ACSM2A: variants seen among roughly 807,000 people sequenced by gnomAD.
ACSM2A encodes acyl-coenzyme A synthetase ACSM2A, mitochondrial.
In ACSM2A, 72 loss-of-function variants were observed where a neutral mutation model predicts 76.6. The ratio of observed to expected loss-of-function variants is 0.94; its 90% CI spans 0.78 to 1.14. The LOEUF (loss-of-function observed/expected upper bound fraction) is 1.14. Ranked by LOEUF, ACSM2A falls within the 50% of genes most tolerant of loss-of-function variation. The pLI is 0.00. For missense variants in ACSM2A, 684 were observed against 708.5 expected, an observed-to-expected ratio of 0.97 and a Z score of 0.39; for synonymous variants, 249 against 255.9, an observed-to-expected ratio of 0.97 and a Z score of 0.26.
chr16:20,468,931 T>G (rs1451270555), intron 3 of ACSM2A, among the ~76,000 whole-genome samples: 2 of 152,350 alleles, frequency 1.3e-5, no homozygotes, highest in Non-Finnish European at 2.9e-5. Flanking sequence ...GATATGTGAA[T>G]TAGCTTAATT....
chr16:20,483,167 A>C lies in ACSM2A; in HGVS notation c.1619A>C (p.Tyr540Ser). Residue 540 changes from tyrosine (Y) to serine (S), a missense_variant, in exon 13 of 14, where the codon TAC (tyrosine) becomes TCC (serine). Coordinates refer to ENST00000573854, the MANE Select transcript of ACSM2A (RefSeq NM_001308172.2). ...AAGTCAGTGACAGCCCCATACAAGTACCCAAGAAAGGTAAGGCCTTTGAGC... is the reference window on the plus strand; with the variant it reads ...AAGTCAGTGACAGCCCCATACAAGTCCCCAAGAAAGGTAAGGCCTTTGAGC... ...HVKSVTAPYK[Y>S]PRKIEFVLNL... 1 of 1,613,964 alleles carries C rather than the reference A, an allele frequency of 6.2e-7. No homozygotes were observed. The highest frequency in any genetic ancestry group is 8.5e-7 in the Non-Finnish European group (1 of 1,179,936).
At chr16:20,457,142 G>A (rs372692712) in intron 1 of ACSM2A, among the ~76,000 whole-genome samples, 13 of 151,708 alleles carry the variant, frequency 8.6e-5, no homozygotes, top group Non-Finnish European at 1.6e-4. Flanking sequence ...AACAAGCAGC[G>A]AGATTAAAAT....
intron 2 of ACSM2A, among the ~76,000 whole-genome samples, chr16:20,462,095 A>G (rs2012658292): frequency 6.6e-6 from 1 of 152,186 alleles, no homozygotes; most frequent in Non-Finnish European, 1.5e-5. Context: ...CCAGAATGCA[A>G]ATGTCTGAAA....
intron 1 of ACSM2A, chr16:20,453,864 C>G (rs2011944550): frequency 7.7e-6 from 1 of 129,538 alleles, no homozygotes; most frequent in African/African-American, 3.2e-5. Context: ...CTGCAGTACC[C>G]TCAGGCTTAC....
chr16:20,485,608 T>C (rs2014341391), intron 13 of ACSM2A, among the ~76,000 whole-genome samples: 1 of 152,242 alleles, frequency 6.6e-6, no homozygotes, highest in Non-Finnish European at 1.5e-5. Context: ...AATGAAACTT[T>C]ATTGATAAAA....
intron 13 of ACSM2A, among the ~76,000 whole-genome samples, chr16:20,484,027 A>G (rs2014262438): frequency 6.6e-6 from 1 of 150,828 alleles, no homozygotes; most frequent in Admixed American, 6.6e-5. Context: ...AAACTCCAGT[A>G]GAAAATGAGC....
chr16:20,469,924 T>G (rs1272452224), intron 4 of ACSM2A, among the ~76,000 whole-genome samples: 1 of 149,052 alleles, frequency 6.7e-6, no homozygotes, highest in Non-Finnish European at 1.5e-5. Context: ...TAAATGGGGC[T>G]TGATCTGCCT....
intron 1 of ACSM2A, among the ~76,000 whole-genome samples, chr16:20,456,662 G>A (rs1321295664): frequency 1.4e-5 from 2 of 147,444 alleles, no homozygotes; most frequent in African/African-American, 5.1e-5. Flanking sequence ...GGTACTAAGA[G>A]GTAAGTTCAT....
intron 13 of ACSM2A, among the ~76,000 whole-genome samples, chr16:20,486,066 G>A (rs962161472): frequency 2.0e-5 from 3 of 151,632 alleles, no homozygotes; most frequent in Admixed American, 6.6e-5. Flanking sequence ...CTAATTCTTA[G>A]ATGTCTAAAG....
At chr16:20,462,999 G>A (rs773081786) in intron 2 of ACSM2A, among the ~76,000 whole-genome samples, 1 of 146,252 alleles carries the variant, frequency 6.8e-6, no homozygotes, top group Non-Finnish European at 1.5e-5. Context: ...ACCAAACACA[G>A]CATGTTCTCA....
chr16:20,483,768 A>T (rs2141768362), intron 13 of ACSM2A, among the ~76,000 whole-genome samples: 1 of 152,132 alleles, frequency 6.6e-6, no homozygotes, highest in Middle Eastern at 3.4e-3. Context: ...TTCTTGCTAT[A>T]GTATTCAGGG....
At chr16:20,470,797 G>T in intron 4 of ACSM2A, 1 of 611,774 alleles carries the variant, frequency 1.6e-6, no homozygotes, top group South Asian at 1.5e-5. Flanking sequence ...TATAAGACTT[G>T]ATCTCACTTT....
rs186143866 is a variant in ACSM2A, at chr16:20,486,976, G to A, written c.*298G>A. The stretch of plus-strand genomic sequence containing the variant: ...AAAAGAAATAAAGTAGGGAAAGAAG[G>A]AGAGAGGAAGCAAGGGAAGGAGGAA... On this transcript the variant is annotated 3_prime_UTR_variant, in exon 14 of 14. Transcript: ENST00000573854. The A allele has an allele frequency of 3.2e-5, 8 of 248,590 alleles. No homozygotes were observed. The East Asian group carries it at 6.3e-4, about 19-fold the overall frequency. The allele number at this position is 248,590 out of a possible 1,614,324, so 15.4% of individuals were successfully genotyped here. A position where few individuals can be genotyped will look rare whatever the true frequency, so the allele number is the denominator to read the frequency against.
chr16:20,453,880 T>G, intron 1 of ACSM2A: 1 of 128,898 alleles, frequency 7.8e-6, no homozygotes, highest in Non-Finnish European at 1.6e-5. Context: ...CTTACTAGGA[T>G]TGGGAAATTC....
In ACSM2A at chr16:20,475,875, C is replaced by T. The variant is rs146721513; in HGVS notation, c.1098+102C>T. Reference sequence around the variant, plus strand: ...AGCCACCATGTATCATTCATCTATTCGAGAAGTATTTATTGAGCCTCTATG... The same window carrying T: ...AGCCACCATGTATCATTCATCTATTTGAGAAGTATTTATTGAGCCTCTATG... On this transcript the variant is annotated intron_variant, in intron 8 of 13. Transcript: ENST00000573854. 334 of 1,565,614 alleles carry T rather than the reference C, an allele frequency of 2.1e-4. 1 individual carries two copies. The East Asian group carries it at 7.2e-3, about 34-fold the overall frequency.
chr16:20,486,232 G>T (rs2014376131), intron 13 of ACSM2A, among the ~76,000 whole-genome samples: 2 of 152,218 alleles, frequency 1.3e-5, no homozygotes, highest in South Asian at 4.1e-4. Flanking sequence ...CTGAGTCTTA[G>T]CAAAGCCAAG....
intron 13 of ACSM2A, among the ~76,000 whole-genome samples, chr16:20,483,520 A>T (rs2014216316): frequency 8.2e-6 from 1 of 121,652 alleles, no homozygotes; most frequent in East Asian, 2.8e-4. Context: ...CAGTGAGCCG[A>T]GATTGTGCCA....
At chr16:20,486,540 A>T in intron 13 of ACSM2A, 34 bp from the exon 14 acceptor site, 1 of 1,611,872 alleles carries the variant, frequency 6.2e-7, no homozygotes, top group Non-Finnish European at 8.5e-7. Context: ...GTCGTCACAG[A>T]TCACCCACCC....
chr16:20,460,323 A>G, intron 2 of ACSM2A, 32 bp downstream of exon 2: 1 of 1,611,372 alleles, frequency 6.2e-7, no homozygotes, highest in Non-Finnish European at 8.5e-7. Context: ...ACAGAGTGAG[A>G]CAATTTTGTT....
Sources: gnomAD v4.1 joint callset for allele counts (sites outside exome capture counted in the v4.1 genomes callset) on GRCh38, gnomAD v4.1.1 for gene constraint, MANE v1.5 for transcripts, NCBI Gene and HGNC (gene_info 2026-07-23, HGNC 2026-07-21) for gene names.